Variants in IQCE observed in about 807,000 individuals in gnomAD.
IQCE encodes IQ domain-containing protein E.
A neutral mutation model predicts 96.0 loss-of-function variants in IQCE; 115 were observed. That is an observed-to-expected ratio of 1.20 (90% CI 1.03 to 1.40). The LOEUF is 1.40. IQCE is among the 40% of genes most tolerant of loss of function. The pLI is 0.00. For synonymous variants in IQCE, 412 were observed against 371.2 expected (o/e 1.11, Z -1.26); for missense variants, 1,041 against 909.1 (o/e 1.15, Z -1.87).
At chr7:2,559,955 TC>T (rs1780816287) in intron 1 of IQCE, among the ~76,000 whole-genome samples, 1 of 152,124 alleles carries the variant, frequency 6.6e-6, no homozygotes, top group African/African-American at 2.4e-5. Flanking sequence ...GGCCAAGAGT[TC>T]CAGACCAGCC....
At position 2,602,915 on chromosome 7, in the gene IQCE, G is replaced by A. The variant is rs532038331; in HGVS notation, c.1632+1451G>A. ...ATGGCCAGGCCACAGCCACACGAGC[G>A]CCCTCCACGAGCAGACAGCTGGACT... On this transcript the variant is annotated intron_variant, in intron 18 of 21. Coordinates refer to ENST00000402050, the MANE Select transcript of IQCE (RefSeq NM_152558.5). Among the ~76,000 whole-genome samples the A allele has an allele frequency of 1.6e-4, 25 of 152,302 alleles. No individual in the cohort carries two copies. In the East Asian group the frequency reaches 4.6e-3, roughly 28 times the overall value.
intron 15 of IQCE, 136 bp from the exon 16 acceptor site, chr7:2,594,735 GTGGCTCAGGGAGACA>G (rs938228896): frequency 7.4e-6 from 5 of 677,446 alleles, no homozygotes; most frequent in African/African-American, 7.1e-5. Context: ...CTGGAGCCCT[GTGGCTCAGGGAGACA>G]TGGCCCCACC....
rs372905940 is a variant in IQCE, at chr7:2,582,566, C to T, written c.631-14C>T. The T allele has an allele frequency of 3.0e-5, 48 of 1,612,936 alleles. No homozygotes were observed. The highest frequency in any genetic ancestry group is 2.0e-4 in the South Asian group (18 of 90,890). On this transcript the variant is annotated splice_polypyrimidine_tract_variant and intron_variant, in intron 8 of 21. Coordinates refer to ENST00000402050, the MANE Select transcript of IQCE (RefSeq NM_152558.5). Reference sequence around the variant, plus strand: ...GAGGGCGTGGCCTGCCTGATGGGCACGTTCCCCGGGCAGGTCATTAACGGG... The same window carrying T: ...GAGGGCGTGGCCTGCCTGATGGGCATGTTCCCCGGGCAGGTCATTAACGGG...
intron 5 of IQCE, among the ~76,000 whole-genome samples, 168 bp from the exon 6 acceptor site, chr7:2,573,250 T>C (rs1031353080): frequency 6.6e-6 from 1 of 152,254 alleles, no homozygotes; most frequent in Non-Finnish European, 1.5e-5. Flanking sequence ...TGCTACTTGG[T>C]GTGAAGTATC....
intron 11 of IQCE, among the ~76,000 whole-genome samples, chr7:2,585,403 C>T (rs1391903991): frequency 2.6e-5 from 4 of 152,206 alleles, no homozygotes; most frequent in Admixed American, 6.5e-5. Flanking sequence ...TGTTTAAAGA[C>T]ACCCTGTTTA....
At chr7:2,564,699 T>G (rs1781232541) in intron 1 of IQCE, among the ~76,000 whole-genome samples, 1 of 152,256 alleles carries the variant, frequency 6.6e-6, no homozygotes, top group South Asian at 2.1e-4. Flanking sequence ...CTCTTTTAAT[T>G]CATTGAGGCT....
intron 14 of IQCE, 74 bp from the exon 15 acceptor site, chr7:2,592,948 C>T: frequency 6.7e-7 from 1 of 1,488,850 alleles, no homozygotes; most frequent in East Asian, 2.3e-5. Context: ...CTGTCATTTT[C>T]TGAAGTGCCT....
intron 11 of IQCE, chr7:2,584,535 C>G: frequency 1.0e-5 from 5 of 494,272 alleles, no homozygotes; most frequent in Non-Finnish European, 1.8e-5. Flanking sequence ...GTTATAGATT[C>G]TACATCCTGC....
chr7:2,598,469 A>G lies in IQCE; in HGVS notation c.1445A>G (p.Gln482Arg). The change falls in exon 17 of 22, where the codon CAA (glutamine) becomes CGA (arginine). Residue 482 changes from glutamine (Q) to arginine (R), a missense_variant. By Grantham distance (43) the Gln-to-Arg change is conservative. Coordinates refer to ENST00000402050, the MANE Select transcript of IQCE (RefSeq NM_152558.5). ...TACTCCTTCAATTTCCTGCAGGCCC[A>G]AGAGCTCCCAGCTCCCACTCCCAGC... ...EDCPEVPHKA[Q>R]ELPAPTPSSR... 2 of 1,576,718 alleles carry G rather than the reference A, an allele frequency of 1.3e-6. No individual in the cohort carries two copies. Among genetic ancestry groups the G allele is most frequent in the Non-Finnish European group, 1.7e-6 (2 of 1,162,314 alleles).
At chr7:2,607,726 G>C (rs1309741455) in intron 21 of IQCE, among the ~76,000 whole-genome samples, 1 of 152,142 alleles carries the variant, frequency 6.6e-6, no homozygotes, top group Non-Finnish European at 1.5e-5. Flanking sequence ...TTAAAGTAGA[G>C]AACGGGCTAG....
intron 6 of IQCE, among the ~76,000 whole-genome samples, chr7:2,576,973 C>G (rs1449907840): frequency 6.6e-6 from 1 of 152,182 alleles, no homozygotes; most frequent in Admixed American, 6.5e-5. Flanking sequence ...GACGGGGTTT[C>G]TCATCACGGG....
Position 2,565,202 on chromosome 7 carries a change from G to A in IQCE, c.37-1914G>A, listed in dbSNP as rs537947195. ...GACTGCAGTCATGGATCCTTGGACT[G>A]TTGTGTGATTTTAGGTGCGTGCATG... On this transcript the variant is annotated intron_variant, in intron 1 of 21. Transcript: ENST00000402050. Among the ~76,000 whole-genome samples, 3 of 150,988 alleles carry A rather than the reference G, an allele frequency of 2.0e-5. No individual in the cohort carries two copies. The East Asian group carries it at 5.8e-4, about 29-fold the overall frequency.
intron 6 of IQCE, among the ~76,000 whole-genome samples, chr7:2,576,827 T>TGTTA (rs1421676094): frequency 2.0e-5 from 3 of 152,230 alleles, no homozygotes; most frequent in Admixed American, 6.5e-5. Flanking sequence ...TTGAAATGCA[T>TGTTA]GTTAGCCTTG....
chr7:2,578,198 G>T (rs746483079), intron 6 of IQCE, 44 bp from the exon 7 acceptor site: 1 of 1,457,738 alleles, frequency 6.9e-7, no homozygotes, highest in East Asian at 2.3e-5. Flanking sequence ...CGGCGTGTGC[G>T]CAGCTTCGTG....
intron 19 of IQCE, 108 bp from the exon 20 acceptor site, chr7:2,605,768 C>A: frequency 1.7e-6 from 2 of 1,200,086 alleles, no homozygotes; most frequent in Non-Finnish European, 2.2e-6. Context: ...GAAAAGGAAA[C>A]TGAGCTCTTC....
Position 2,578,348 on chromosome 7 carries a change from C to G in IQCE, c.572C>G (p.Pro191Arg). 6.2e-7 allele frequency: 1 copy of G among 1,613,596 alleles called. No individual in the cohort carries two copies. The highest frequency in any genetic ancestry group is 8.5e-7 in the Non-Finnish European group (1 of 1,179,838). Reference sequence around the variant, plus strand: ...CGGCAGATAGAGCAGCTCCTGGATCCCAGCCGCGTAAGCTCCTGGCGCTTC... The same window carrying G: ...CGGCAGATAGAGCAGCTCCTGGATCGCAGCCGCGTAAGCTCCTGGCGCTTC... ...KDRQIEQLLD[P>R]SRGTDFVRTL... The change falls in exon 7 of 22, where the codon CCC (proline) becomes CGC (arginine). Residue 191 changes from proline to arginine, a missense_variant. Coordinates refer to ENST00000402050, the MANE Select transcript of IQCE (RefSeq NM_152558.5).
At chr7:2,598,405 C>T (rs1298124346) in intron 16 of IQCE, 60 bp from the exon 17 acceptor site, 92 of 1,471,002 alleles carry the variant, frequency 6.3e-5, no homozygotes, top group East Asian at 5.4e-4. Flanking sequence ...GTCCCCTTGC[C>T]GGATACTGGT....
In IQCE at chr7:2,588,654, GTTTTTTTTTTTTTTTT is replaced by G. The variant is rs370704456; in HGVS notation, c.1044+790_1044+805del. 2.8e-4 allele frequency among the ~76,000 whole-genome samples: 14 copies of G among 49,760 alleles called. No individual in the cohort carries two copies. The South Asian group carries it at 7.9e-3, about 28-fold the overall frequency. 32.6% of individuals were successfully genotyped at this position (49,760 alleles called of 152,430 possible). A position where few individuals can be genotyped will look rare whatever the true frequency, so the allele number is the denominator to read the frequency against. The stretch of plus-strand genomic sequence containing the variant: ...AGACGTGAGCCACTGTGCCTGGCTG[GTTTTTTTTTTTTTTTT>G]TTTTTTTTTTTTGAGGTGGAGTCTC... On this transcript the variant is annotated intron_variant, in intron 13 of 21. Transcript: ENST00000402050.
At chr7:2,560,390 C>T (rs1780855592) in intron 1 of IQCE, among the ~76,000 whole-genome samples, 1 of 152,362 alleles carries the variant, frequency 6.6e-6, no homozygotes, top group South Asian at 2.1e-4. Context: ...GAAGGTTTCA[C>T]ATCAAGGGAA....
Sources: allele counts gnomAD v4.1 joint callset (sites outside exome capture counted in the v4.1 genomes callset), GRCh38; gene constraint gnomAD v4.1.1; transcripts MANE v1.5; gene names NCBI Gene and HGNC (gene_info 2026-07-23, HGNC 2026-07-21).